Variants in NIPBL observed in about 807,000 individuals in gnomAD.
NIPBL encodes the protein NIPBL cohesin loading factor, also known as nipped-B-like protein.
In NIPBL, 19 loss-of-function variants were observed where a neutral mutation model predicts 321.8. That is an observed-to-expected ratio of 0.06 (90% CI 0.04 to 0.09). The LOEUF (loss-of-function observed/expected upper bound fraction) is 0.09, where lower values mean the gene tolerates loss of function less well. NIPBL is among the 10% of genes least tolerant of loss of function. NIPBL has a pLI of 1.00. For synonymous variants in NIPBL, 1,106 were observed against 1,114.1 expected (o/e 0.99, Z 0.14); for missense variants, 2,210 against 3,327.0 (o/e 0.66, Z 8.26).
At chr5:37,043,025 A>T (rs928879847) in intron 34 of NIPBL, among the ~76,000 whole-genome samples, 57 of 151,962 alleles carry the variant, frequency 3.8e-4, no homozygotes, top group Non-Finnish European at 5.3e-4. Context: ...GGTTTTTTTT[A>T]AAAAGTCTCT....
chr5:36,939,461 A>G (rs1406514961), intron 1 of NIPBL, among the ~76,000 whole-genome samples: 1 of 152,154 alleles, frequency 6.6e-6, no homozygotes, highest in Non-Finnish European at 1.5e-5. Context: ...ATCCAAGTTG[A>G]TGTTTTTACC....
rs371039829 is a variant in NIPBL at position 36,916,099 on chromosome 5, T to C, written c.-79-37519T>C. Among the ~76,000 whole-genome samples the C allele has an allele frequency of 2.4e-4, 36 of 152,342 alleles. 2 individuals are homozygous for C. In the South Asian group the frequency reaches 7.2e-3, roughly 31 times the overall value. The stretch of plus-strand genomic sequence containing the variant: ...AGTTGTCCTTTCTTCAAAAAGCTAT[T>C]TCTTGAAGAAAAGGAAAGTTAGTGA... On this transcript the variant is annotated intron_variant, in intron 1 of 46. Transcript: ENST00000282516.
intron 8 of NIPBL, 26 bp downstream of exon 8, chr5:36,972,067 C>G (rs769720622): frequency 6.8e-7 from 1 of 1,461,008 alleles, no homozygotes; most frequent in Non-Finnish European, 9.6e-7. Context: ...AAATTTCCTT[C>G]TGTATATTTT....
rs941392901 is a variant in NIPBL at position 36,985,961 on chromosome 5, A to G, written c.2781A>G (p.Lys927=). The G allele has an allele frequency of 6.2e-7, 1 of 1,613,990 alleles. No individual in the cohort carries two copies. Among genetic ancestry groups the G allele is most frequent in the Non-Finnish European group, 8.5e-7 (1 of 1,179,944 alleles). The change falls in exon 10 of 47, where the codon AAA becomes AAG. Residue 927 remains lysine (K), a synonymous_variant. Transcript: ENST00000282516. ...DDKRTEGNKS[K]VDTNKAHPDN... ...AAAGGACAGAGGGTAACAAGAGTAA[A>G]GTAGACACTAATAAAGCACACCCTG...
intron 30 of NIPBL, among the ~76,000 whole-genome samples, chr5:37,025,599 C>A (rs1750171600): frequency 6.6e-6 from 1 of 151,976 alleles, no homozygotes; most frequent in Admixed American, 6.6e-5. Context: ...TGTTCAGTAG[C>A]ACAATAGGGT....
At chr5:36,932,803 T>TTA (rs1561401469) in intron 1 of NIPBL, among the ~76,000 whole-genome samples, 2 of 138,552 alleles carry the variant, frequency 1.4e-5, no homozygotes, top group Admixed American at 7.2e-5. Flanking sequence ...TTTTTTTTTT[T>TTA]AAAGAACAGG....
intron 1 of NIPBL, among the ~76,000 whole-genome samples, chr5:36,902,557 G>A (rs1747313242): frequency 6.6e-6 from 1 of 152,066 alleles, no homozygotes; most frequent in South Asian, 2.1e-4. Flanking sequence ...GATGTTTTAG[G>A]TGTGTGGCTT....
chr5:37,019,019 C>G (rs1333671419), intron 24 of NIPBL, among the ~76,000 whole-genome samples: 3 of 152,076 alleles, frequency 2.0e-5, no homozygotes, highest in African/African-American at 7.2e-5. Flanking sequence ...AGGAGAATTG[C>G]TTGAACCCAG....
chr5:36,884,866 C>A (rs1023924245), intron 1 of NIPBL, among the ~76,000 whole-genome samples: 1 of 151,996 alleles, frequency 6.6e-6, no homozygotes, highest in African/African-American at 2.4e-5. Flanking sequence ...ACATATATCC[C>A]TAACAATACA....
rs563016602 is a variant in NIPBL at position 36,877,103 on chromosome 5, C to G, written c.-155C>G. The G allele has an allele frequency of 1.5e-4, 53 of 346,644 alleles. No homozygotes were observed. In the East Asian group the frequency reaches 2.2e-3, roughly 14 times the overall value. The allele number at this position is 346,644 out of a possible 1,614,324, so 21.5% of individuals were successfully genotyped here. A position where few individuals can be genotyped will look rare whatever the true frequency, so the allele number is the denominator to read the frequency against. ...ACGGAAGAGGAGCCGTAGCCACCCCCCCTCCCGGCCCGGATTATAGTCTCT... is the reference window on the plus strand; with the variant it reads ...ACGGAAGAGGAGCCGTAGCCACCCCGCCTCCCGGCCCGGATTATAGTCTCT... On this transcript the variant is annotated 5_prime_UTR_variant, in exon 1 of 47. Coordinates refer to ENST00000282516, the MANE Select transcript of NIPBL (RefSeq NM_133433.4).
rs765931580 is a variant in NIPBL, at chr5:36,985,323, A to G, written c.2143A>G (p.Lys715Glu). The G allele has an allele frequency of 4.3e-6, 7 of 1,613,680 alleles. No homozygotes were observed. The highest frequency in any genetic ancestry group is 1.3e-5 in the African/African-American group (1 of 74,886). The stretch of plus-strand genomic sequence containing the variant: ...GGGTGAAAGCCGGCCTGAGACTCCA[A>G]AACAAAAGAGTGATGGGCATCCTGA... Reference protein sequence around the residue: ...QKGESRPETPKQKSDGHPETP... With the variant: ...QKGESRPETPEQKSDGHPETP... The change falls in exon 10 of 47, where the codon AAA (lysine) becomes GAA (glutamate). Residue 715 changes from lysine (K) to glutamate (E), a missense_variant. Physicochemically the swap from Lys to Glu is moderately conservative, Grantham distance 56. Transcript: ENST00000282516.
At position 36,976,419 on chromosome 5, in the gene NIPBL, A is replaced by G. The variant is rs748635196; in HGVS notation, c.1495+17A>G. 4 of 1,600,788 alleles carry G rather than the reference A, an allele frequency of 2.5e-6. No individual in the cohort carries two copies. The South Asian group carries it at 4.4e-5, about 18-fold the overall frequency. On this transcript the variant is annotated intron_variant, in intron 9 of 46. Coordinates refer to ENST00000282516, the MANE Select transcript of NIPBL (RefSeq NM_133433.4). ...AAGATAAAGGTAAAATAATCTCATTATTACCACTTCATCATCTGGGCAAAT... is the reference window on the plus strand; with the variant it reads ...AAGATAAAGGTAAAATAATCTCATTGTTACCACTTCATCATCTGGGCAAAT...
At chr5:36,935,392 T>G (rs1468960275) in intron 1 of NIPBL, among the ~76,000 whole-genome samples, 4 of 152,166 alleles carry the variant, frequency 2.6e-5, no homozygotes, top group Non-Finnish European at 5.9e-5. Context: ...TCTGCTCTTC[T>G]GTCCCACCGT....
At position 37,049,209 on chromosome 5, in the gene NIPBL, G is replaced by C. The variant is rs1350756882; in HGVS notation, c.6862G>C (p.Glu2288Gln). 1 of 1,614,160 alleles carries C rather than the reference G, an allele frequency of 6.2e-7. No homozygotes were observed. Among genetic ancestry groups the C allele is most frequent in the South Asian group, 1.1e-5 (1 of 91,082 alleles). Residue 2288 changes from glutamate (E) to glutamine (Q), a missense_variant, in exon 40 of 47, where the codon GAG becomes CAG. Physicochemically the swap from Glu to Gln is conservative, Grantham distance 29 (BLOSUM62 2). Coordinates refer to ENST00000282516, the MANE Select transcript of NIPBL (RefSeq NM_133433.4). ...IMQLYLKQVL[E>Q]AFFHTQSSVR... The stretch of plus-strand genomic sequence containing the variant: ...GCAGCTTTATCTCAAACAGGTGCTT[G>C]AGGCATTTTTTCACACCCAGTCAAG...
At chr5:37,027,206 A>G (rs1234484414) in intron 31 of NIPBL, among the ~76,000 whole-genome samples, 153 bp from the exon 32 acceptor site, 3 of 152,204 alleles carry the variant, frequency 2.0e-5, no homozygotes, top group Non-Finnish European at 4.4e-5. Context: ...TAACGTTGGT[A>G]AATGGTTGTG....
At chr5:36,992,710 T>TTTTTTTTA (rs71604850) in intron 10 of NIPBL, among the ~76,000 whole-genome samples, 2 of 137,648 alleles carry the variant, frequency 1.5e-5, no homozygotes, top group Non-Finnish European at 3.1e-5. Context: ...AAGTCATGCA[T>TTTTTTTTA]TTTATTTATT....
intron 38 of NIPBL, among the ~76,000 whole-genome samples, chr5:37,046,986 A>G (rs1352348052): frequency 6.6e-6 from 1 of 152,172 alleles, no homozygotes; most frequent in African/African-American, 2.4e-5. Flanking sequence ...GAGAAAAAAA[A>G]ATTACACCTG....
At chr5:37,048,753 A>T in intron 39 of NIPBL, 78 bp downstream of exon 39, 1 of 1,184,864 alleles carries the variant, frequency 8.4e-7, no homozygotes. Context: ...CTAAATATCT[A>T]AATTTCCTTA....
intron 8 of NIPBL, 152 bp downstream of exon 8, chr5:36,972,193 T>C (rs1367900795): frequency 1.4e-5 from 9 of 623,452 alleles, no homozygotes; most frequent in East Asian, 8.3e-5. Context: ...GTCTGGATCA[T>C]GGGATTTAAA....
Sources: allele counts gnomAD v4.1 joint callset (sites outside exome capture counted in the v4.1 genomes callset), GRCh38; gene constraint gnomAD v4.1.1; transcripts MANE v1.5; gene names NCBI Gene and HGNC (gene_info 2026-07-23, HGNC 2026-07-21).